ROBO1: variants seen among roughly 807,000 people sequenced by gnomAD.
ROBO1 encodes roundabout guidance receptor 1.
ROBO1 carries 149 observed loss-of-function variants against 195.9 expected under a neutral mutation model. The ratio of observed to expected loss-of-function variants is 0.76; its 90% CI spans 0.67 to 0.87. The LOEUF is 0.87. Ranked by LOEUF, ROBO1 falls within the 40% of genes least tolerant of loss-of-function variation. ROBO1 has a pLI of 0.00. For synonymous variants in ROBO1, 816 were observed against 733.2 expected (o/e 1.11, Z -1.82); for missense variants, 1,933 against 2,068.3 (o/e 0.93, Z 1.27).
At chr3:79,723,045 T>C (rs1023550479) in intron 1 of ROBO1, among the ~76,000 whole-genome samples, 1 of 152,246 alleles carries the variant, frequency 6.6e-6, no homozygotes, top group Non-Finnish European at 1.5e-5. Flanking sequence ...ATTTTAACCA[T>C]GAACCATGGC....
intron 2 of ROBO1, among the ~76,000 whole-genome samples, chr3:79,484,755 C>CTTTTTTTTTTTTGTTTTTTTTTTTTTTT (rs1939063829): frequency 1.5e-5 from 1 of 66,884 alleles, no homozygotes; most frequent in Non-Finnish European, 2.7e-5. Flanking sequence ...ATTGCACTAT[C>CTTTTTTTTTTTTGTTTTTTTTTTTTTTT]TTTTTTTTTT....
At chr3:78,781,808 T>G (rs2083685431) in intron 4 of ROBO1, among the ~76,000 whole-genome samples, 1 of 152,182 alleles carries the variant, frequency 6.6e-6, no homozygotes, top group African/African-American at 2.4e-5. Flanking sequence ...TGCTTAAAAT[T>G]TTAATAAAAT....
chr3:79,209,880 T>A (rs2108799367), intron 2 of ROBO1, among the ~76,000 whole-genome samples: 1 of 152,284 alleles, frequency 6.6e-6, no homozygotes, highest in Non-Finnish European at 1.5e-5. Context: ...TTAGTAGCAC[T>A]GCCATACACC....
At chr3:79,577,717 AACACACACACACACACACACACAC>A (rs58998352) in intron 2 of ROBO1, among the ~76,000 whole-genome samples, 2 of 140,716 alleles carry the variant, frequency 1.4e-5, no homozygotes, top group East Asian at 2.1e-4. Context: ...CTTTACTAAA[AACACACACACACACACACACACAC>A]ACACACACAC....
chr3:79,685,784 C>T (rs940677626), intron 1 of ROBO1, among the ~76,000 whole-genome samples: 2 of 152,106 alleles, frequency 1.3e-5, no homozygotes, highest in East Asian at 1.9e-4. Flanking sequence ...CCAAATTCTA[C>T]CAGAGGTACA....
At chr3:79,179,605 A>G (rs149808643) in intron 2 of ROBO1, among the ~76,000 whole-genome samples, 52 of 152,338 alleles carry the variant, frequency 3.4e-4, no homozygotes, top group Admixed American at 1.3e-3. Flanking sequence ...TCATGTGTTG[A>G]CTAGCCTGAA....
At chr3:79,227,630 A>G (rs1322520011) in intron 2 of ROBO1, among the ~76,000 whole-genome samples, 1 of 151,968 alleles carries the variant, frequency 6.6e-6, no homozygotes, top group Non-Finnish European at 1.5e-5. Flanking sequence ...TTCCTGTTCA[A>G]TTCATCACCA....
chr3:78,622,338 C>A (rs1575791058), intron 26 of ROBO1, among the ~76,000 whole-genome samples: 1 of 152,206 alleles, frequency 6.6e-6, no homozygotes, highest in East Asian at 1.9e-4. Flanking sequence ...ACTATCTGCA[C>A]CCCTTATCAA....
chr3:79,535,301 T>G (rs1575984469), intron 2 of ROBO1, among the ~76,000 whole-genome samples: 1 of 152,156 alleles, frequency 6.6e-6, no homozygotes, highest in Admixed American at 6.6e-5. Context: ...GTAGAGCCTA[T>G]GTCAGATTTT....
intron 4 of ROBO1, among the ~76,000 whole-genome samples, chr3:78,828,972 C>T (rs538412507): frequency 2.0e-5 from 3 of 152,082 alleles, no homozygotes; most frequent in Middle Eastern, 3.4e-3. Flanking sequence ...ATGTTAGAAG[C>T]GGTGTGGAAT....
rs530817030 is a variant in ROBO1 at position 79,170,128 on chromosome 3, A to C, written c.89-44589T>G. Among the ~76,000 whole-genome samples the C allele has an allele frequency of 9.9e-5, 15 of 152,110 alleles. No individual in the cohort carries two copies. The East Asian group carries it at 2.9e-3, about 29-fold the overall frequency. On this transcript the variant is annotated intron_variant, in intron 2 of 30. Coordinates refer to ENST00000464233, the MANE Select transcript of ROBO1 (RefSeq NM_002941.4). ...GCATATCCTAGTGTAGGGCTCTTTC[A>C]TGAAATATTCTCACTAGATTAGAGC...
In ROBO1 at chr3:79,441,832, T is replaced by C. The variant is rs1326894966; in HGVS notation, c.88+147992A>G. Among the ~76,000 whole-genome samples, 11 of 152,182 alleles carry C rather than the reference T, an allele frequency of 7.2e-5. No homozygotes were observed. In the East Asian group the frequency reaches 2.1e-3, roughly 29 times the overall value. On this transcript the variant is annotated intron_variant, in intron 2 of 30. Transcript: ENST00000464233. ...GCAGGACGCTCTAAAGGCATGAATC[T>C]GTGCTCCAGAGATTACTTCAAAATT...
At chr3:79,485,158 A>G (rs1460834525) in intron 2 of ROBO1, among the ~76,000 whole-genome samples, 3 of 152,152 alleles carry the variant, frequency 2.0e-5, no homozygotes, top group Non-Finnish European at 4.4e-5. Context: ...GCTGCTATAT[A>G]GTAGCCATCA....
intron 2 of ROBO1, among the ~76,000 whole-genome samples, chr3:79,328,133 CTTT>C (rs906533878): frequency 6.6e-6 from 1 of 152,028 alleles, no homozygotes; most frequent in African/African-American, 2.4e-5. Flanking sequence ...TAGGACAATT[CTTT>C]TTTAATAATA....
chr3:79,525,324 T>TA (rs1166284871), intron 2 of ROBO1, among the ~76,000 whole-genome samples: 1 of 149,764 alleles, frequency 6.7e-6, no homozygotes, highest in African/African-American at 2.4e-5. Context: ...AAAATGGTTC[T>TA]AATAAAATAT....
intron 2 of ROBO1, among the ~76,000 whole-genome samples, chr3:79,228,942 G>A (rs573056683): frequency 6.6e-6 from 1 of 152,140 alleles, no homozygotes; most frequent in Admixed American, 6.5e-5. Context: ...CAAAGCCAAT[G>A]CAATCTCTTC....
intron 1 of ROBO1, among the ~76,000 whole-genome samples, chr3:79,604,754 T>G (rs1273344220): frequency 6.6e-6 from 1 of 152,068 alleles, no homozygotes; most frequent in Non-Finnish European, 1.5e-5. Context: ...GTGGTCATTT[T>G]CTTGAAAATT....
intron 2 of ROBO1, among the ~76,000 whole-genome samples, chr3:79,545,687 C>T (rs1034640308): frequency 3.3e-5 from 5 of 151,074 alleles, no homozygotes; most frequent in Non-Finnish European, 7.4e-5. Flanking sequence ...TTACAAGATT[C>T]GAGATGGTAG....
intron 2 of ROBO1, among the ~76,000 whole-genome samples, chr3:79,184,783 G>A (rs981769830): frequency 5.3e-5 from 8 of 152,112 alleles, no homozygotes; most frequent in East Asian, 1.9e-4. Flanking sequence ...GGAGCCTTTC[G>A]ATTGTATGTA....
Sources: gnomAD v4.1 joint callset for allele counts (sites outside exome capture counted in the v4.1 genomes callset) on GRCh38, gnomAD v4.1.1 for gene constraint, MANE v1.5 for transcripts, NCBI Gene and HGNC (gene_info 2026-07-23, HGNC 2026-07-21) for gene names.